The following NCKAP1L variants were observed in gnomAD, a reference collection of about 807,000 sequenced individuals.
NCKAP1L encodes the protein NCK associated protein 1 like, also known as nck-associated protein 1-like.
NCKAP1L carries 53 observed loss-of-function variants against 139.2 expected under a neutral mutation model. The ratio of observed to expected loss-of-function variants is 0.38; its 90% confidence interval spans 0.31 to 0.48. NCKAP1L has a LOEUF of 0.48. Among genes scored for constraint, NCKAP1L ranks in the 20% least tolerant of loss-of-function variants. The pLI, the probability that NCKAP1L is intolerant of heterozygous loss-of-function variation, is 0.98. For synonymous variants in NCKAP1L, 468 were observed against 499.7 expected (o/e 0.94, Z 0.85); for missense variants, 1,151 against 1,381.9 (o/e 0.83, Z 2.65).
chr12:54,500,741 A>G (rs904142456), intron 3 of NCKAP1L, 116 bp downstream of exon 3: 5 of 708,150 alleles, frequency 7.1e-6, no homozygotes, highest in Non-Finnish European at 1.3e-5. Flanking sequence ...GAGATGTACT[A>G]ATATGGAAGG....
chr12:54,541,435 A>G (rs1055974868), intron 30 of NCKAP1L, among the ~76,000 whole-genome samples: 1 of 152,114 alleles, frequency 6.6e-6, no homozygotes, highest in Non-Finnish European at 1.5e-5. Context: ...ATTTCCCTGT[A>G]CCTGAGGATA....
Position 54,523,877 on chromosome 12 carries a change from G to A in NCKAP1L, c.2077G>A (p.Val693Ile), listed in dbSNP as rs1364445914. 1 of 1,614,120 alleles carries A rather than the reference G, an allele frequency of 6.2e-7. No homozygotes were observed. The highest frequency in any genetic ancestry group is 1.7e-5 in the Admixed American group (1 of 60,016). ...AGAACTGGCACTGACAATGAATCAT[G>A]TATACAGTTTCTCCGTGTTTGAACA... ...LTELALTMNH[V>I]YSFSVFEHTI... Residue 693 changes from valine (V) to isoleucine (I), a missense_variant, in exon 20 of 31, where the codon GTA (valine) becomes ATA (isoleucine). Val to Ile is a conservative substitution (Grantham distance 29, BLOSUM62 3). Transcript: ENST00000293373.
In NCKAP1L at chr12:54,500,565, C is replaced by T. The variant is rs374031006; in HGVS notation, c.246C>T (p.Ala82=). 803 of 1,612,164 alleles carry T rather than the reference C, an allele frequency of 5.0e-4. No homozygotes were observed. The highest frequency in any genetic ancestry group is 6.4e-4 in the Non-Finnish European group (754 of 1,178,728). The change falls in exon 3 of 31, where the codon GCC becomes GCT. Residue 82 remains alanine (A), a synonymous_variant. Coordinates refer to ENST00000293373, the MANE Select transcript of NCKAP1L (RefSeq NM_005337.5). ...TAGGACCAGTACATCGTGAAAAAGC[C>T]GAGATAATTAGATTCCTCACCAACT... The part of the protein sequence containing the change: ...QHLGPVHREK[A]EIIRFLTNYY...
intron 27 of NCKAP1L, among the ~76,000 whole-genome samples, chr12:54,535,816 G>T (rs910751654): frequency 3.9e-5 from 6 of 152,062 alleles, no homozygotes; most frequent in African/African-American, 1.2e-4. Context: ...TCTTCTTTCT[G>T]CCTCTCCATC....
chr12:54,498,913 ATATT>A (rs10528777), intron 1 of NCKAP1L: 186 of 203,044 alleles, frequency 9.2e-4, no homozygotes, highest in East Asian at 3.2e-3. Flanking sequence ...TTTTATTTTT[ATATT>A]TATTTATTTA....
Position 54,518,752 on chromosome 12 carries a change from G to A in NCKAP1L, c.1420+20G>A, listed in dbSNP as rs906661331. ...AACAAGGTAACTGGAGGGAGGTGGGGGAGGCAGGACATATGTGAGGATGAA... is the reference window on the plus strand; with the variant it reads ...AACAAGGTAACTGGAGGGAGGTGGGAGAGGCAGGACATATGTGAGGATGAA... On this transcript the variant is annotated intron_variant, in intron 14 of 30. Coordinates refer to ENST00000293373, the MANE Select transcript of NCKAP1L (RefSeq NM_005337.5). 1.9e-6 allele frequency: 3 copies of A among 1,595,810 alleles called. No homozygotes were observed. The highest frequency in any genetic ancestry group is 2.6e-6 in the Non-Finnish European group (3 of 1,163,478).
chr12:54,512,284 A>G (rs947974858), intron 9 of NCKAP1L, 179 bp downstream of exon 9: 15 of 568,008 alleles, frequency 2.6e-5, no homozygotes, highest in Admixed American at 9.6e-5. Context: ...TTAGGGACAC[A>G]ATAATGAATA....
chr12:54,499,844 T>G (rs1424103654), intron 2 of NCKAP1L, among the ~76,000 whole-genome samples: 1 of 152,232 alleles, frequency 6.6e-6, no homozygotes, highest in Non-Finnish European at 1.5e-5. Flanking sequence ...TAATGGGATA[T>G]CTCTACTTTT....
In NCKAP1L at chr12:54,517,795, A is replaced by G; in HGVS notation, c.1206-11A>G. On this transcript the variant is annotated splice_polypyrimidine_tract_variant and intron_variant, in intron 12 of 30. Transcript: ENST00000293373. ...TCTTATTCATCTCTGTTCTCATCCT[A>G]AACTTTATAGGAGCATTGCAGAGCT... 1 of 1,613,946 alleles carries G rather than the reference A, an allele frequency of 6.2e-7. No individual in the cohort carries two copies. Among genetic ancestry groups the G allele is most frequent in the Non-Finnish European group, 8.5e-7 (1 of 1,179,898 alleles).
intron 22 of NCKAP1L, among the ~76,000 whole-genome samples, chr12:54,530,960 C>A (rs983012770): frequency 6.6e-6 from 1 of 152,150 alleles, no homozygotes; most frequent in Admixed American, 6.5e-5. Context: ...CAGCAAGAGT[C>A]AAACCCAAGT....
intron 7 of NCKAP1L, among the ~76,000 whole-genome samples, chr12:54,511,241 A>C (rs1311517387): frequency 9.9e-5 from 15 of 152,152 alleles, no homozygotes; most frequent in Non-Finnish European, 1.5e-5. Context: ...AGTTATGTGA[A>C]ACCTTTTGCT....
At chr12:54,500,282 C>T (rs905647317) in intron 2 of NCKAP1L, among the ~76,000 whole-genome samples, 1 of 152,048 alleles carries the variant, frequency 6.6e-6, no homozygotes, top group African/African-American at 2.4e-5. Context: ...CGCCACCACG[C>T]CCAGCTAATT....
rs1317148300 is a variant in NCKAP1L, at chr12:54,528,259, T to C, written c.2388T>C (p.Ser796=). The change falls in exon 22 of 31, where the codon AGT becomes AGC. Residue 796 remains serine, a synonymous_variant. Coordinates refer to ENST00000293373, the MANE Select transcript of NCKAP1L (RefSeq NM_005337.5). The part of the protein sequence containing the change: ...TTLYTNWYLE[S]LLRQASSGTI... ...GCCAACCCTGTAGGTACCTGGAAAG[T>C]CTGCTTAGACAGGCAAGCAGTGGGA... 6.2e-7 allele frequency: 1 copy of C among 1,613,786 alleles called. No individual in the cohort carries two copies.
chr12:54,519,665 C>G (rs1250163538), intron 16 of NCKAP1L, among the ~76,000 whole-genome samples: 1 of 152,030 alleles, frequency 6.6e-6, no homozygotes, highest in Non-Finnish European at 1.5e-5. Flanking sequence ...TTTTTGAGAT[C>G]TCCTTAAGGT....
chr12:54,517,697 G>T (rs1470399227), intron 12 of NCKAP1L, 55 bp downstream of exon 12: 16 of 1,576,928 alleles, frequency 1.0e-5, no homozygotes, highest in Non-Finnish European at 1.4e-5. Context: ...GGGACAGGGA[G>T]GCATCAGATG....
chr12:54,531,971 T>C (rs1465411599), intron 25 of NCKAP1L, 146 bp downstream of exon 25: 6 of 785,074 alleles, frequency 7.6e-6, no homozygotes, highest in Non-Finnish European at 1.2e-5. Context: ...GGGAGAGTAA[T>C]TTGGCAGAGA....
chr12:54,531,322 A>G lies in NCKAP1L; in HGVS notation c.2569A>G (p.Met857Val), dbSNP rs762839555. ...CATGAAGTTCCTGAGTGAAAACCTG[A>G]TGTGGCATGTGACCTCTCAGATTGT... ...YGMKFLSENLMWHVTSQIVEL... is the reference protein window; with the variant it reads ...YGMKFLSENLVWHVTSQIVEL... Residue 857 changes from methionine to valine, a missense_variant, in exon 23 of 31, where the codon ATG becomes GTG. By Grantham distance (21) the Met-to-Val change is conservative. Transcript: ENST00000293373. The G allele has an allele frequency of 1.2e-6, 2 of 1,614,120 alleles. No individual in the cohort carries two copies. Among genetic ancestry groups the G allele is most frequent in the Non-Finnish European group, 1.7e-6 (2 of 1,180,000 alleles).
chr12:54,526,877 T>A (rs1172648485), intron 21 of NCKAP1L, 131 bp downstream of exon 21: 1 of 718,912 alleles, frequency 1.4e-6, no homozygotes, highest in Non-Finnish European at 2.4e-6. Context: ...TTGCTTCTCC[T>A]TGAGGAATGG....
rs1957118015 is a variant in NCKAP1L, at chr12:54,536,928, A to G, written c.3074-16A>G. On this transcript the variant is annotated splice_polypyrimidine_tract_variant and intron_variant, in intron 28 of 30. Transcript: ENST00000293373. ...TTTCCTCTTTTTTCTCTCCATCTAT[A>G]TCAATAATAACCTAGGTTACAACAA... 6.4e-6 allele frequency: 10 copies of G among 1,557,988 alleles called. No individual in the cohort carries two copies. The highest frequency in any genetic ancestry group is 4.5e-5 in the East Asian group (2 of 44,570).
Sources: gnomAD v4.1 joint callset for allele counts (sites outside exome capture counted in the v4.1 genomes callset) on GRCh38, gnomAD v4.1.1 for gene constraint, MANE v1.5 for transcripts, NCBI Gene and HGNC (gene_info 2026-07-23, HGNC 2026-07-21) for gene names.